ESRRG: variants seen among roughly 807,000 people sequenced by gnomAD.
ESRRG encodes the protein estrogen-related receptor gamma.
Under a neutral mutation model 44.0 loss-of-function variants are expected in ESRRG, and 13 were observed. That is an observed-to-expected ratio of 0.30 (90% CI 0.19 to 0.47). ESRRG has a LOEUF of 0.47. Among genes scored for constraint, ESRRG ranks in the 20% least tolerant of loss-of-function variants. The pLI is 1.00. For missense variants in ESRRG, 395 were observed against 580.6 expected (o/e 0.68, Z 3.29); for synonymous variants, 215 against 214.6 (o/e 1.00, Z -0.02).
At chr1:217,080,432 T>G (rs942868831) in intron 1 of ESRRG, among the ~76,000 whole-genome samples, 1 of 152,126 alleles carries the variant, frequency 6.6e-6, no homozygotes, top group Non-Finnish European at 1.5e-5. Context: ...TACTTCCAAC[T>G]CATTATATAC....
intron 1 of ESRRG, among the ~76,000 whole-genome samples, chr1:216,969,421 AG>A (rs1321570960): frequency 6.8e-6 from 1 of 147,372 alleles, no homozygotes; most frequent in African/African-American, 2.7e-5. Context: ...AAAAAAACAT[AG>A]AAAAAAACAT....
At chr1:216,966,499 G>T (rs2070409433) in intron 1 of ESRRG, among the ~76,000 whole-genome samples, 3 of 152,102 alleles carry the variant, frequency 2.0e-5, no homozygotes, top group Admixed American at 1.3e-4. Flanking sequence ...AAGACCAGAA[G>T]GTAGAAACTA....
chr1:217,111,725 C>A (rs2092663549), intron 1 of ESRRG, among the ~76,000 whole-genome samples: 1 of 152,142 alleles, frequency 6.6e-6, no homozygotes, highest in African/African-American at 2.4e-5. Context: ...AGCATTCATG[C>A]CACCAATATC....
intron 1 of ESRRG, among the ~76,000 whole-genome samples, chr1:216,714,296 T>G (rs2084311901): frequency 6.6e-6 from 1 of 152,172 alleles, no homozygotes; most frequent in Non-Finnish European, 1.5e-5. Context: ...TATCATGCAC[T>G]TACCTTTTAC....
intron 2 of ESRRG, among the ~76,000 whole-genome samples, chr1:216,781,698 C>G (rs1211534690): frequency 6.6e-6 from 1 of 152,052 alleles, no homozygotes; most frequent in East Asian, 1.9e-4. Context: ...CTCTTCACTT[C>G]TGTCTCCTTT....
intron 3 of ESRRG, among the ~76,000 whole-genome samples, chr1:216,650,132 T>C (rs1414336739): frequency 6.6e-6 from 1 of 152,194 alleles, no homozygotes; most frequent in Non-Finnish European, 1.5e-5. Flanking sequence ...CAAACTCTGG[T>C]GAATTTTCTG....
intron 1 of ESRRG, among the ~76,000 whole-genome samples, chr1:216,983,964 C>T (rs1475581269): frequency 6.6e-6 from 1 of 150,510 alleles, no homozygotes; most frequent in African/African-American, 2.4e-5. Flanking sequence ...AGAGACACAA[C>T]CTTGCTGTGG....
At chr1:216,531,462 A>G (rs2049355537) in intron 5 of ESRRG, among the ~76,000 whole-genome samples, 1 of 152,024 alleles carries the variant, frequency 6.6e-6, no homozygotes, top group African/African-American at 2.4e-5. Context: ...TGGGGAGGCG[A>G]CCAGTTATCT....
At chr1:216,619,342 G>C (rs916206244) in intron 3 of ESRRG, among the ~76,000 whole-genome samples, 1 of 152,150 alleles carries the variant, frequency 6.6e-6, no homozygotes, top group African/African-American at 2.4e-5. Flanking sequence ...AATAGGCAAA[G>C]AAAAGACATC....
intron 5 of ESRRG, among the ~76,000 whole-genome samples, chr1:216,544,628 GT>G (rs2053917741): frequency 6.6e-6 from 1 of 152,058 alleles, no homozygotes; most frequent in African/African-American, 2.4e-5. Flanking sequence ...CTGCTGTGGA[GT>G]GGAAGAAGAG....
intron 2 of ESRRG, among the ~76,000 whole-genome samples, chr1:216,871,555 A>G (rs575958281): frequency 6.6e-6 from 1 of 152,096 alleles, no homozygotes; most frequent in African/African-American, 2.4e-5. Flanking sequence ...AGTTTTAACT[A>G]TTACAGAACG....
chr1:216,876,146 A>C (rs2149265214), intron 2 of ESRRG, among the ~76,000 whole-genome samples: 1 of 152,310 alleles, frequency 6.6e-6, no homozygotes, highest in South Asian at 2.1e-4. Context: ...TGTTTCCTGG[A>C]ACAGTACAAT....
intron 5 of ESRRG, among the ~76,000 whole-genome samples, chr1:216,535,975 T>C (rs973613901): frequency 6.6e-6 from 1 of 152,138 alleles, no homozygotes; most frequent in Non-Finnish European, 1.5e-5. Context: ...AATGACCTAA[T>C]TGCCCCATCC....
chr1:216,826,049 C>T (rs964521666), intron 2 of ESRRG, among the ~76,000 whole-genome samples: 2 of 151,990 alleles, frequency 1.3e-5, no homozygotes, highest in Non-Finnish European at 2.9e-5. Flanking sequence ...GCTAACAAAA[C>T]TAGAGGAGCA....
intron 2 of ESRRG, among the ~76,000 whole-genome samples, chr1:216,754,121 T>C (rs2092289658): frequency 6.6e-6 from 1 of 152,032 alleles, no homozygotes; most frequent in South Asian, 2.1e-4. Flanking sequence ...GGGAAGCAGC[T>C]AGACATTTTA....
In ESRRG at chr1:216,506,546, T is replaced by G. The variant is rs1197608190; in HGVS notation, c.*393A>C. 14 of 415,236 alleles carry G rather than the reference T, an allele frequency of 3.4e-5. No homozygotes were observed. In the East Asian group the frequency reaches 7.3e-4, roughly 22 times the overall value. 25.7% of individuals were successfully genotyped at this position (415,236 alleles called of 1,614,324 possible). A position where few individuals can be genotyped will look rare whatever the true frequency, so the allele number is the denominator to read the frequency against. On this transcript the variant is annotated 3_prime_UTR_variant, in exon 7 of 7. Transcript: ENST00000408911. ...TTTTTAAACTAAAGCTATTTCAAAT[T>G]TAGAAAAAAGGGGAAGGATGAGAAA...
chr1:216,620,537 A>T (rs2150460153), intron 3 of ESRRG, among the ~76,000 whole-genome samples: 1 of 152,340 alleles, frequency 6.6e-6, no homozygotes, highest in Middle Eastern at 3.4e-3. Context: ...AAAAGAATTA[A>T]TGAGGCCTAA....
chr1:216,727,350 T>A (rs953848240), upstream of ESRRG, among the ~76,000 whole-genome samples: 1 of 152,090 alleles, frequency 6.6e-6, no homozygotes, highest in Non-Finnish European at 1.5e-5. Context: ...AATTACAAAC[T>A]ACTATCTTTA....
intron 2 of ESRRG, among the ~76,000 whole-genome samples, chr1:216,808,654 G>A (rs1368376929): frequency 6.6e-6 from 1 of 152,046 alleles, no homozygotes; most frequent in African/African-American, 2.4e-5. Flanking sequence ...GAACTCCTGG[G>A]CTCAAGCTAT....
Sources: gnomAD v4.1 joint callset for allele counts (sites outside exome capture counted in the v4.1 genomes callset) on GRCh38, gnomAD v4.1.1 for gene constraint, MANE v1.5 for transcripts, NCBI Gene and HGNC (gene_info 2026-07-23, HGNC 2026-07-21) for gene names.